DHX8: variants seen among roughly 807,000 people sequenced by gnomAD.
DHX8 encodes the protein ATP-dependent RNA helicase DHX8.
Under a neutral mutation model 140.7 loss-of-function variants are expected in DHX8, and 67 were observed. That is an observed-to-expected ratio of 0.48 (90% CI 0.39 to 0.58). DHX8 has a LOEUF of 0.58. Ranked by LOEUF, DHX8 falls within the 20% of genes least tolerant of loss-of-function variation. The probability of loss-of-function intolerance (pLI) is 0.00; values close to 1 mark genes in which losing one functional copy is unlikely to be tolerated. For synonymous variants in DHX8, 533 were observed against 553.2 expected (o/e 0.96, Z 0.51); for missense variants, 887 against 1,550.7 (o/e 0.57, Z 7.19).
At position 43,493,739 on chromosome 17, in the gene DHX8, C is replaced by T. The variant is rs377630686; in HGVS notation, c.1065C>T (p.Val355=). The change falls in exon 8 of 23, where the codon GTC becomes GTT. Residue 355 remains valine (V), a synonymous_variant. Coordinates refer to ENST00000262415, the MANE Select transcript of DHX8 (RefSeq NM_004941.3). ...ACCCAAATAGACGGCGAAATCTTGT[C>T]GGGGAGACCAATGAGGAGACCTCAA... ...DLNPNRRRNL[V]GETNEETSMR... 31 of 1,614,038 alleles carry T rather than the reference C, an allele frequency of 1.9e-5. No individual in the cohort carries two copies. The highest frequency in any genetic ancestry group is 1.1e-4 in the East Asian group (5 of 44,898).
At chr17:43,530,097 G>A (rs1429743969), downstream of DHX8, 2 of 1,600,712 alleles carry the variant, frequency 1.2e-6, no homozygotes, top group Non-Finnish European at 1.7e-6. Flanking sequence ...GGGAAGGGGG[G>A]CTGCCTTACC....
At position 43,524,907 on chromosome 17, in the gene DHX8, C is replaced by T. The variant is rs2154586950; in HGVS notation, c.*1060C>T. 1 of 985,126 alleles carries T rather than the reference C, an allele frequency of 1.0e-6. No individual in the cohort carries two copies. Among genetic ancestry groups the T allele is most frequent in the Non-Finnish European group, 1.2e-6 (1 of 829,890 alleles). 61.0% of individuals were successfully genotyped at this position (985,126 alleles called of 1,614,324 possible). On this transcript the variant is annotated 3_prime_UTR_variant, in exon 23 of 23. Transcript: ENST00000262415. ...CTTAGTGGTTTTTTCCTAGCACTTG[C>T]TTGGAGAATAGCCACCTCCTTGTGC...
At chr17:43,536,407 C>T in intron 2 of DHX8, 1 of 1,612,248 alleles carries the variant, frequency 6.2e-7, no homozygotes. Context: ...ATACCCTCTC[C>T]CCAGGGACCT....
rs749260559 is a variant in DHX8, at chr17:43,522,066, T to G, written c.3283T>G (p.Ser1095Ala). ...TGATAGACACAAGCTGGATGTTGTT[T>G]CCTGTGGCAAGTCCACAGTCCGAGT... ...IMDRHKLDVV[S>A]CGKSTVRVQK... The change falls in exon 22 of 23, where the codon TCC becomes GCC. Residue 1095 changes from serine to alanine, a missense_variant. Ser to Ala is a moderately conservative substitution (Grantham distance 99). Around this residue, in one of 9 missense-constraint regions of DHX8, gnomAD observed 101 missense variants for 168.2 expected, o/e 0.60. Coordinates refer to ENST00000262415, the MANE Select transcript of DHX8 (RefSeq NM_004941.3). 2 of 1,614,054 alleles carry G rather than the reference T, an allele frequency of 1.2e-6. No homozygotes were observed.
Position 43,493,763 on chromosome 17 carries a change from A to G in DHX8, c.1089A>G (p.Ser363=). The change falls in exon 8 of 23, where the codon TCA becomes TCG. Residue 363 remains serine (S), a synonymous_variant. Coordinates refer to ENST00000262415, the MANE Select transcript of DHX8 (RefSeq NM_004941.3). Reference sequence around the variant, plus strand: ...TCGGGGAGACCAATGAGGAGACCTCAATGCGGAATCCTGATAGACCCACTC... The same window carrying G: ...TCGGGGAGACCAATGAGGAGACCTCGATGCGGAATCCTGATAGACCCACTC... The part of the protein sequence containing the change: ...NLVGETNEET[S]MRNPDRPTHL... 2 of 1,614,248 alleles carry G rather than the reference A, an allele frequency of 1.2e-6. No homozygotes were observed. The highest frequency in any genetic ancestry group is 8.5e-7 in the Non-Finnish European group (1 of 1,180,054).
chr17:43,496,155 A>G (rs770150366), intron 8 of DHX8, 26 bp from the exon 9 acceptor site: 3 of 1,589,536 alleles, frequency 1.9e-6, no homozygotes. Flanking sequence ...GCAGGTTACA[A>G]ATGCTGCCTT....
At chr17:43,508,140 T>A (rs1969596802) in intron 15 of DHX8, 121 bp downstream of exon 15, 2 of 1,145,560 alleles carry the variant, frequency 1.7e-6, no homozygotes, top group East Asian at 5.1e-5. Flanking sequence ...TATTCATCTC[T>A]CTGCAAGCCT....
Position 43,513,421 on chromosome 17 carries a change from G to A in DHX8, c.2562G>A (p.Val854=). The change falls in exon 17 of 23, where the codon GTG becomes GTA. Residue 854 remains valine, a synonymous_variant. Coordinates refer to ENST00000262415, the MANE Select transcript of DHX8 (RefSeq NM_004941.3). ...TGACTATTGATGGTATCTACTATGT[G>A]GTGGACCCAGGATTCGTGAAACAGA... ...TSLTIDGIYY[V]VDPGFVKQKV... 1 of 1,614,040 alleles carries A rather than the reference G, an allele frequency of 6.2e-7. No individual in the cohort carries two copies. The highest frequency in any genetic ancestry group is 1.1e-5 in the South Asian group (1 of 91,050).
intron 11 of DHX8, among the ~76,000 whole-genome samples, chr17:43,503,927 G>C (rs796911546): frequency 1.5e-4 from 23 of 151,776 alleles, no homozygotes; most frequent in African/African-American, 5.6e-4. Context: ...AGAGTAACAC[G>C]GAGACCTGGC....
intron 1 of DHX8, among the ~76,000 whole-genome samples, chr17:43,487,687 A>G (rs1326415041): frequency 1.3e-5 from 2 of 152,142 alleles, no homozygotes; most frequent in African/African-American, 4.8e-5. Context: ...TAGAAGTTTC[A>G]AGAACTAGGC....
At position 43,485,717 on chromosome 17, in the gene DHX8, T is replaced by G. The variant is rs141504116; in HGVS notation, c.148+1532T>G. On this transcript the variant is annotated intron_variant, in intron 1 of 22. Transcript: ENST00000262415. ...GGCCTTTTAGAAGAAACAAAAAAGT[T>G]ATTGACATTAACCCCCAGTGTTTAA... Among the ~76,000 whole-genome samples, 197 of 152,346 alleles carry G rather than the reference T, an allele frequency of 1.3e-3. 4 individuals are homozygous for G. Among genetic ancestry groups the G allele is most frequent in the Non-Finnish European group, 3.8e-4 (26 of 68,040 alleles).
downstream of DHX8, chr17:43,526,578 C>T (rs1970626250): frequency 1.3e-6 from 2 of 1,535,656 alleles, no homozygotes. Flanking sequence ...GAACAAAGAA[C>T]TGGGACTGGT....
At chr17:43,506,926 T>C in intron 12 of DHX8, 77 bp from the exon 13 acceptor site, 1 of 1,139,094 alleles carries the variant, frequency 8.8e-7, no homozygotes, top group Non-Finnish European at 1.2e-6. Flanking sequence ...TTAATGACCA[T>C]ATTTATATTC....
At chr17:43,521,255 G>A in intron 20 of DHX8, 114 bp from the exon 21 acceptor site, 1 of 863,594 alleles carries the variant, frequency 1.2e-6, no homozygotes, top group Non-Finnish European at 1.8e-6. Context: ...GAGCCATCAT[G>A]CCTAGCCTGA....
In DHX8 at chr17:43,517,164, T is replaced by C; in HGVS notation, c.2644-3T>C. 6.2e-7 allele frequency: 1 copy of C among 1,613,030 alleles called. No homozygotes were observed. Among genetic ancestry groups the C allele is most frequent in the South Asian group, 1.1e-5 (1 of 90,998 alleles). The stretch of plus-strand genomic sequence containing the variant: ...TGTTGCTTTTATATGCCCACCCCTC[T>C]AGGCTCAGGCAAAGCAACGAGCTGG... On this transcript the variant is annotated splice_region_variant and splice_polypyrimidine_tract_variant and intron_variant, in intron 17 of 22. Coordinates refer to ENST00000262415, the MANE Select transcript of DHX8 (RefSeq NM_004941.3).
intron 16 of DHX8, among the ~76,000 whole-genome samples, chr17:43,510,153 A>T (rs942351855): frequency 1.5e-4 from 23 of 151,810 alleles, no homozygotes; most frequent in Non-Finnish European, 2.6e-4. Flanking sequence ...GATTCAAGTG[A>T]TTCTCCTGCC....
chr17:43,511,565 C>G (rs1298221442), intron 16 of DHX8, among the ~76,000 whole-genome samples: 1 of 147,264 alleles, frequency 6.8e-6, no homozygotes, highest in Non-Finnish European at 1.5e-5. Flanking sequence ...TCAAGTGATT[C>G]TTCTGCCTCA....
At chr17:43,521,960 C>T (rs1366784814) in intron 21 of DHX8, 87 bp from the exon 22 acceptor site, 1 of 1,452,120 alleles carries the variant, frequency 6.9e-7, no homozygotes, top group Admixed American at 1.8e-5. Context: ...CTCTGGGCAC[C>T]CCAAGATGGA....
At chr17:43,504,349 C>A (rs1027126847) in intron 11 of DHX8, among the ~76,000 whole-genome samples, 1 of 152,186 alleles carries the variant, frequency 6.6e-6, no homozygotes, top group African/African-American at 2.4e-5. Flanking sequence ...CAGAGCAAGA[C>A]CCTACCTAAA....
Sources: allele counts gnomAD v4.1 joint callset (sites outside exome capture counted in the v4.1 genomes callset), GRCh38; gene constraint gnomAD v4.1.1; regional missense constraint gnomAD v4.1.1; transcripts MANE v1.5; gene names NCBI Gene and HGNC (gene_info 2026-07-23, HGNC 2026-07-21).